Variants in CPAP observed in about 807,000 individuals in gnomAD.
CPAP encodes the protein centrosome assembly and centriole elongation protein.
At chr13:24,899,453 G>C in the CPAP span, 3 of 1,613,728 alleles carry the variant, frequency 1.9e-6, no homozygotes, top group Non-Finnish European at 2.5e-6. Context: ...ATCTGGAAAA[G>C]TTCTTGCAGC....
the CPAP span, among the ~76,000 whole-genome samples, chr13:24,914,435 C>T: frequency 6.6e-6 from 1 of 152,164 alleles, no homozygotes; most frequent in Admixed American, 6.5e-5. Flanking sequence ...ACACCTTATT[C>T]TGTTCCATCT....
the CPAP span, chr13:24,892,908 A>G: frequency 5.4e-5 from 72 of 1,333,896 alleles, no homozygotes; most frequent in Non-Finnish European, 7.2e-5. Context: ...CCATTACTAC[A>G]TTACCAGAAT....
the CPAP span, among the ~76,000 whole-genome samples, chr13:24,894,833 G>C: frequency 6.6e-6 from 1 of 152,184 alleles, no homozygotes; most frequent in East Asian, 1.9e-4. Flanking sequence ...AGAGACCCTG[G>C]GGATGGGGGA....
chr13:24,884,814 G>A, the CPAP span, among the ~76,000 whole-genome samples: 1 of 152,144 alleles, frequency 6.6e-6, no homozygotes, highest in African/African-American at 2.4e-5. Context: ...AATAGAAATG[G>A]ACCAGATTAG....
the CPAP span, among the ~76,000 whole-genome samples, chr13:24,890,066 A>G: frequency 1.3e-5 from 2 of 152,182 alleles, no homozygotes; most frequent in Non-Finnish European, 2.9e-5. Context: ...TTCTACTTAC[A>G]AAGATCCAGA....
At chr13:24,903,887 C>A in the CPAP span, 1 of 1,603,936 alleles carries the variant, frequency 6.2e-7, no homozygotes, top group South Asian at 1.1e-5. Flanking sequence ...ATAACTGAGT[C>A]ACTGCATATT....
At chr13:24,887,091 C>A in the CPAP span, among the ~76,000 whole-genome samples, 2 of 151,932 alleles carry the variant, frequency 1.3e-5, no homozygotes, top group Admixed American at 1.3e-4. Flanking sequence ...TGGGTAGATA[C>A]TAGGGGAGGG....
At chr13:24,912,060 CTTCT>C in the CPAP span, 28 of 1,613,158 alleles carry the variant, frequency 1.7e-5, no homozygotes, top group Non-Finnish European at 2.0e-5. Context: ...TTCTGTTGTA[CTTCT>C]TTCAGCTTTT....
At chr13:24,900,425 C>G in the CPAP span, among the ~76,000 whole-genome samples, 1 of 152,134 alleles carries the variant, frequency 6.6e-6, no homozygotes, top group African/African-American at 2.4e-5. Flanking sequence ...AGGCCAGGAG[C>G]TGGACCTGAG....
At chr13:24,884,942 A>C in the CPAP span, among the ~76,000 whole-genome samples, 2,940 of 152,268 alleles carry the variant, frequency 0.019, 80 homozygotes, top group African/African-American at 0.066. Context: ...CAGTTTTCCC[A>C]CTAAGAAACT....
the CPAP span, chr13:24,889,395 T>A: frequency 6.9e-6 from 11 of 1,600,560 alleles, no homozygotes; most frequent in Non-Finnish European, 8.6e-6. Flanking sequence ...ATCGAACAGA[T>A]GTGTTCTATA....
the CPAP span, among the ~76,000 whole-genome samples, chr13:24,909,179 A>G: frequency 6.6e-6 from 1 of 152,240 alleles, no homozygotes; most frequent in South Asian, 2.1e-4. Flanking sequence ...TGTATAAAAA[A>G]GAAGAAAAAC....
the CPAP span, chr13:24,899,669 T>C: frequency 3.5e-5 from 35 of 1,006,274 alleles, no homozygotes; most frequent in African/African-American, 4.3e-4. Flanking sequence ...TAGTAACTGC[T>C]AGTCCTAGTG....
the CPAP span, chr13:24,911,852 C>T: frequency 1.3e-6 from 2 of 1,491,400 alleles, no homozygotes; most frequent in East Asian, 2.3e-5. Flanking sequence ...CTGGAGTTCA[C>T]AACACATGAT....
the CPAP span, among the ~76,000 whole-genome samples, chr13:24,902,259 C>T: frequency 1.3e-5 from 2 of 151,622 alleles, no homozygotes; most frequent in African/African-American, 4.8e-5. Flanking sequence ...AAAACAACAA[C>T]AAAAAAACAA....
chr13:24,921,099 G>C, the CPAP span, among the ~76,000 whole-genome samples: 1 of 152,136 alleles, frequency 6.6e-6, no homozygotes, highest in Non-Finnish European at 1.5e-5. Flanking sequence ...AGAGGGAAAG[G>C]CACTCAGGAC....
chr13:24,887,531 G>GT, the CPAP span, among the ~76,000 whole-genome samples: 1 of 152,176 alleles, frequency 6.6e-6, no homozygotes, highest in Non-Finnish European at 1.5e-5. Flanking sequence ...GCTCCTTAGA[G>GT]TATCTAATGC....
chr13:24,893,945 G>A, the CPAP span, among the ~76,000 whole-genome samples: 3 of 152,042 alleles, frequency 2.0e-5, no homozygotes, highest in Non-Finnish European at 2.9e-5. Flanking sequence ...GGCAGGTGAG[G>A]GGGTGACGGG....
At chr13:24,916,789 A>C in the CPAP span, among the ~76,000 whole-genome samples, 1 of 152,238 alleles carries the variant, frequency 6.6e-6, no homozygotes, top group Non-Finnish European at 1.5e-5. Context: ...CTGAAAGTAA[A>C]TGTCCATTAA....
Sources: allele counts gnomAD v4.1 joint callset (sites outside exome capture counted in the v4.1 genomes callset), GRCh38; gene constraint gnomAD v4.1.1; transcripts MANE v1.5; gene names NCBI Gene and HGNC (gene_info 2026-07-23, HGNC 2026-07-21).